GTF2IRD2: variants seen among roughly 807,000 people sequenced by gnomAD.
GTF2IRD2 encodes the protein general transcription factor II-I repeat domain-containing protein 2A.
Under a neutral mutation model 49.2 loss-of-function variants are expected in GTF2IRD2, and 8 were observed. That is an observed-to-expected ratio of 0.16 (90% CI 0.10 to 0.29). GTF2IRD2 has a LOEUF of 0.29. Ranked by LOEUF, GTF2IRD2 falls within the 10% of genes least tolerant of loss-of-function variation. The pLI, the probability that GTF2IRD2 is intolerant of heterozygous loss-of-function variation, is 1.00. For synonymous variants in GTF2IRD2, 47 were observed against 289.7 expected (o/e 0.16, Z 8.51); for missense variants, 130 against 725.7 (o/e 0.18, Z 9.43).
intron 3 of GTF2IRD2, 34 bp downstream of exon 3, chr7:74,832,771 T>G: frequency 1.3e-6 from 1 of 795,918 alleles, no homozygotes; most frequent in Non-Finnish European, 2.0e-6. Flanking sequence ...CCTTTTGAGA[T>G]TGGGAATACA....
At position 74,797,320 on chromosome 7, in the gene GTF2IRD2, T is replaced by G; in HGVS notation, c.2192A>C (p.Asp731Ala). 4 of 896,958 alleles carry G rather than the reference T, an allele frequency of 4.5e-6. No individual in the cohort carries two copies. Among genetic ancestry groups the G allele is most frequent in the African/African-American group, 1.9e-5 (1 of 51,304 alleles). The allele number at this position is 896,958 out of a possible 1,614,324, so 55.6% of individuals were successfully genotyped here. The change falls in exon 16 of 16, where the codon GAC becomes GCC. Residue 731 changes from aspartate (D) to alanine (A), a missense_variant. Asp to Ala is a moderately radical substitution (Grantham distance 126). Coordinates refer to ENST00000451013, the MANE Select transcript of GTF2IRD2 (RefSeq NM_173537.5). ...TTTCCCTCTGGATGACATGAAGGAG[T>G]CGATTTCTTCCAAGGATTCGAAAAA... ...KRFFESLEEI[D>A]SFMSSRGKPL...
chr7:74,844,356 TTTTTTTTATTTA>T (rs1447880112), intron 1 of GTF2IRD2, among the ~76,000 whole-genome samples: 32 of 24,390 alleles, frequency 1.3e-3, no homozygotes, highest in African/African-American at 2.9e-3. Context: ...GAGGATTATG[TTTTTTTTATTTA>T]TTTATTTATT....
Position 74,796,454 on chromosome 7 carries a change from C to T in GTF2IRD2, c.*208G>A, listed in dbSNP as rs587649170. On this transcript the variant is annotated 3_prime_UTR_variant, in exon 16 of 16. Transcript: ENST00000451013. ...GCGCACGCCTGTAGTCCCAGCTGCTCGGGAGGCTGAGGCAGGAGAATCGTT... is the reference window on the plus strand; with the variant it reads ...GCGCACGCCTGTAGTCCCAGCTGCTTGGGAGGCTGAGGCAGGAGAATCGTT... 38 of 537,538 alleles carry T rather than the reference C, an allele frequency of 7.1e-5. 1 individual carries two copies. Among genetic ancestry groups the T allele is most frequent in the Non-Finnish European group, 1.7e-5 (5 of 298,708 alleles). The allele number at this position is 537,538 out of a possible 1,614,324, so 33.3% of individuals were successfully genotyped here.
chr7:74,829,836 C>T (rs1479340631), intron 3 of GTF2IRD2, among the ~76,000 whole-genome samples: 3 of 148,704 alleles, frequency 2.0e-5, no homozygotes, highest in Non-Finnish European at 3.0e-5. Flanking sequence ...TGTGGTCAGC[C>T]GAGATCTCTC....
chr7:74,806,352 C>T (rs1270926001), intron 12 of GTF2IRD2, among the ~76,000 whole-genome samples: 2 of 125,362 alleles, frequency 1.6e-5, no homozygotes, highest in African/African-American at 2.8e-5. Context: ...CTCTGTCACC[C>T]AGGCTGGAGT....
At chr7:74,842,125 C>CA (rs1160646123) in intron 1 of GTF2IRD2, among the ~76,000 whole-genome samples, 1 of 44,256 alleles carries the variant, frequency 2.3e-5, no homozygotes, top group African/African-American at 1.4e-4. Context: ...CTCCGTCTCA[C>CA]AAAAAAAACA....
At position 74,796,251 on chromosome 7, in the gene GTF2IRD2, A is replaced by G. The variant is rs1394326620; in HGVS notation, c.*411T>C. 2 of 242,454 alleles carry G rather than the reference A, an allele frequency of 8.2e-6. No individual in the cohort carries two copies. The highest frequency in any genetic ancestry group is 1.6e-5 in the Non-Finnish European group (2 of 123,128). 15.0% of individuals were successfully genotyped at this position (242,454 alleles called of 1,614,324 possible). A position where few individuals can be genotyped will look rare whatever the true frequency, so the allele number is the denominator to read the frequency against. The stretch of plus-strand genomic sequence containing the variant: ...CTGATTCAAAGTGGAAAAAAAACTG[A>G]AAAAAAAAAAAGTTTAAGAACTCAT... On this transcript the variant is annotated 3_prime_UTR_variant, in exon 16 of 16. Transcript: ENST00000451013.
Position 74,822,599 on chromosome 7 carries a change from G to A in GTF2IRD2, c.542+25C>T, listed in dbSNP as rs1384793750. The A allele has an allele frequency of 5.3e-6, 3 of 564,322 alleles. No individual in the cohort carries two copies. The East Asian group carries it at 8.8e-5, about 16-fold the overall frequency. The allele number at this position is 564,322 out of a possible 1,614,324, so 35.0% of individuals were successfully genotyped here. A position where few individuals can be genotyped will look rare whatever the true frequency, so the allele number is the denominator to read the frequency against. ...TGGTTTCATCTTTAAATGAACTGAA[G>A]GGGCGGGGGTGCAGAGTGTGTCACC... is the stretch of plus-strand genomic sequence containing the variant. On this transcript the variant is annotated intron_variant, in intron 5 of 15. Coordinates refer to ENST00000451013, the MANE Select transcript of GTF2IRD2 (RefSeq NM_173537.5).
At position 74,818,458 on chromosome 7, in the gene GTF2IRD2, C is replaced by CTTT. The variant is rs782068970; in HGVS notation, c.670+1093_670+1095dup. On this transcript the variant is annotated intron_variant, in intron 8 of 15. Transcript: ENST00000451013. The stretch of plus-strand genomic sequence containing the variant: ...ATTAGAAGGCTCCCTCTCTCTCTCT[C>CTTT]TTTTTTTTTTTTTTTTTTTGAGACA... Among the ~76,000 whole-genome samples the CTTT allele has an allele frequency of 5.8e-4, 75 of 129,472 alleles. 3 individuals are homozygous for CTTT. Among genetic ancestry groups the CTTT allele is most frequent in the African/African-American group, 2.0e-3 (67 of 32,980 alleles). 84.9% of individuals were successfully genotyped at this position (129,472 alleles called of 152,430 possible).
intron 3 of GTF2IRD2, among the ~76,000 whole-genome samples, chr7:74,826,912 A>G (rs1371838219): frequency 6.6e-6 from 1 of 151,514 alleles, no homozygotes; most frequent in South Asian, 2.1e-4. Flanking sequence ...AGGTTTCGCC[A>G]TGTTGGCCAG....
chr7:74,797,675 A>G lies in GTF2IRD2; in HGVS notation c.1837T>C (p.Leu613=). The change falls in exon 16 of 16, where the codon TTA becomes CTA. Residue 613 remains leucine, a synonymous_variant. Transcript: ENST00000451013. Reference sequence around the variant, plus strand: ...GTGCCAGTGGAGGCCACGCTTACTAATTTCGACCAGTCGATACAGAAGTTT... The same window carrying G: ...GTGCCAGTGGAGGCCACGCTTACTAGTTTCGACCAGTCGATACAGAAGTTT... ...LKNFCIDWSK[L]VSVASTGTPA... The G allele has an allele frequency of 6.2e-7, 1 of 1,603,790 alleles. No individual in the cohort carries two copies.
intron 8 of GTF2IRD2, chr7:74,819,248 T>A: frequency 3.1e-6 from 1 of 322,936 alleles, no homozygotes; most frequent in Non-Finnish European, 6.0e-6. Flanking sequence ...TGAGACAGGG[T>A]CTTGCTCTGT....
At chr7:74,806,406 T>G (rs1259457900) in intron 12 of GTF2IRD2, among the ~76,000 whole-genome samples, 1 of 138,506 alleles carries the variant, frequency 7.2e-6, no homozygotes, top group Non-Finnish European at 1.6e-5. Flanking sequence ...ACCTCCCAGG[T>G]TCACGCCATT....
intron 15 of GTF2IRD2, chr7:74,798,999 TTTTTTC>T (rs1563010181): frequency 6.6e-6 from 1 of 150,552 alleles, no homozygotes; most frequent in Non-Finnish European, 1.5e-5. Context: ...TTTCTTTTCT[TTTTTTC>T]TTTTTCTTTT....
chr7:74,798,918 TCCTC>T (rs1797254126), intron 15 of GTF2IRD2: 1 of 156,628 alleles, frequency 6.4e-6, no homozygotes, highest in South Asian at 1.8e-4. Context: ...GCTCAGGTGA[TCCTC>T]CCACTTCAGC....
Position 74,844,360 on chromosome 7 carries a change from T to TTTTATTTATTTA in GTF2IRD2, c.-6+6995_-6+7006dup, listed in dbSNP as rs1194941580. On this transcript the variant is annotated intron_variant, in intron 1 of 15. Transcript: ENST00000451013. Reference sequence around the variant, plus strand: ...CTAGACTAGATGAGGATTATGTTTTTTTTATTTATTTATTTATTTATTTAT... The same window carrying TTTTATTTATTTA: ...CTAGACTAGATGAGGATTATGTTTTTTTTATTTATTTATTTATTTATTTATTTATTTATTTAT... 6.7e-3 allele frequency among the ~76,000 whole-genome samples: 88 copies of TTTTATTTATTTA among 13,204 alleles called. 3 individuals carry two copies. Among genetic ancestry groups the TTTTATTTATTTA allele is most frequent in the East Asian group, 0.056 (6 of 108 alleles). The allele number at this position is 13,204 out of a possible 152,430, so 8.7% of individuals were successfully genotyped here. A position where few individuals can be genotyped will look rare whatever the true frequency, so the allele number is the denominator to read the frequency against.
intron 10 of GTF2IRD2, among the ~76,000 whole-genome samples, chr7:74,809,762 T>C (rs1173176107): frequency 1.5e-5 from 2 of 131,938 alleles, no homozygotes; most frequent in Non-Finnish European, 3.4e-5. Flanking sequence ...CCCACGCCTC[T>C]AGGTTTGGAA....
chr7:74,813,395 A>G lies in GTF2IRD2; in HGVS notation c.671-579T>C, dbSNP rs1798276831. Among the ~76,000 whole-genome samples, 2 of 49,602 alleles carry G rather than the reference A, an allele frequency of 4.0e-5. 1 individual carries two copies. Among genetic ancestry groups the G allele is most frequent in the South Asian group, 1.9e-3 (2 of 1,048 alleles). The allele number at this position is 49,602 out of a possible 152,430, so 32.5% of individuals were successfully genotyped here. The stretch of plus-strand genomic sequence containing the variant: ...TCCATCTCAAAAAAAAAAAAAAAAA[A>G]AAAGAAAGGAAGGAGAGGAGGATGA... On this transcript the variant is annotated intron_variant, in intron 8 of 15. Coordinates refer to ENST00000451013, the MANE Select transcript of GTF2IRD2 (RefSeq NM_173537.5).
At chr7:74,800,284 C>T (rs1797449280) in intron 15 of GTF2IRD2, among the ~76,000 whole-genome samples, 2 of 141,448 alleles carry the variant, frequency 1.4e-5, no homozygotes, top group Non-Finnish European at 3.1e-5. Context: ...ACGATCTCGG[C>T]TCACTGCAAC....
Sources: allele counts gnomAD v4.1 joint callset (sites outside exome capture counted in the v4.1 genomes callset), GRCh38; gene constraint gnomAD v4.1.1; transcripts MANE v1.5; gene names NCBI Gene and HGNC (gene_info 2026-07-23, HGNC 2026-07-21).